EPX: variants seen among roughly 807,000 people sequenced by gnomAD.
EPX encodes eosinophil peroxidase.
In EPX, 60 loss-of-function variants were observed where a neutral mutation model predicts 73.0. That is an observed-to-expected ratio of 0.82 (90% CI 0.67 to 1.02). The LOEUF (loss-of-function observed/expected upper bound fraction) is 1.02. Ranked by LOEUF, EPX falls within the 50% of genes least tolerant of loss-of-function variation. The pLI, the probability that EPX is intolerant of heterozygous loss-of-function variation, is 0.00. For missense variants in EPX, 950 were observed against 973.9 expected (o/e 0.98, Z 0.33); for synonymous variants, 347 against 389.2 (o/e 0.89, Z 1.28).
At chr17:58,194,837 G>A in intron 5 of EPX, 127 bp from the exon 6 acceptor site, 1 of 739,758 alleles carries the variant, frequency 1.4e-6, no homozygotes, top group Non-Finnish European at 2.4e-6. Context: ...AAAGGGGCAT[G>A]GAGGGCAGAA....
rs1182219559 is a variant in EPX at position 58,195,165 on chromosome 17, A to G, written c.796A>G (p.Ile266Val). 3.7e-6 allele frequency: 6 copies of G among 1,612,992 alleles called. No homozygotes were observed. The Admixed American group carries it at 5.0e-5, about 13-fold the overall frequency. ...TCAQLPPCFP[I>V]KIPPNDPRIK... ...CGCCCAGCTGCCCCCCTGCTTTCCC[A>G]TCAAGGTACCTACCCTCAGCCAATC... The change falls in exon 6 of 13, where the codon ATC becomes GTC. Residue 266 changes from isoleucine (I) to valine (V), a missense_variant. Coordinates refer to ENST00000225371, the MANE Select transcript of EPX (RefSeq NM_000502.6).
In EPX at chr17:58,203,303, C is replaced by G. The variant is rs1395216959; in HGVS notation, c.1931C>G (p.Ala644Gly). 4 of 1,612,768 alleles carry G rather than the reference C, an allele frequency of 2.5e-6. No individual in the cohort carries two copies. Among genetic ancestry groups the G allele is most frequent in the East Asian group, 2.2e-5 (1 of 44,874 alleles). The change falls in exon 11 of 13, where the codon GCC (alanine) becomes GGC (glycine). Residue 644 changes from alanine (A) to glycine (G), a missense_variant. Ala to Gly is a moderately conservative substitution (Grantham distance 60, BLOSUM62 0). Transcript: ENST00000225371. ...ACLFENQFRRARDGDRFWWQK... is the reference protein window; with the variant it reads ...ACLFENQFRRGRDGDRFWWQK... ...CTGTTCGAGAACCAGTTCAGAAGAG[C>G]CCGAGACGGAGACAGGTAAGTGACC...
chr17:58,202,581 A>G (rs1235448673), intron 10 of EPX: 1 of 204,266 alleles, frequency 4.9e-6, no homozygotes, highest in Non-Finnish European at 1.0e-5. Context: ...TTGTGTCTCT[A>G]TATTGACCTA....
At chr17:58,201,610 G>A (rs1251824942) in intron 10 of EPX, among the ~76,000 whole-genome samples, 2 of 152,164 alleles carry the variant, frequency 1.3e-5, no homozygotes. Context: ...TTGATAAGAT[G>A]TACCTATGAT....
chr17:58,199,141 C>G lies in EPX; in HGVS notation c.1222C>G (p.Arg408Gly). The change falls in exon 8 of 13, where the codon CGG (arginine) becomes GGG (glycine). Residue 408 changes from arginine to glycine, a missense_variant. By Grantham distance (125) the Arg-to-Gly change is moderately radical (BLOSUM62 -2). Coordinates refer to ENST00000225371, the MANE Select transcript of EPX (RefSeq NM_000502.6). ...LATELRRLNP[R>G]WNGDKLYNEA... ...CACCGAGCTGAGACGCCTGAATCCC[C>G]GGTGGAATGGAGACAAACTGTACAA... The G allele has an allele frequency of 1.2e-6, 2 of 1,614,102 alleles. No homozygotes were observed. Among genetic ancestry groups the G allele is most frequent in the East Asian group, 2.2e-5 (1 of 44,878 alleles).
chr17:58,200,466 C>A, intron 10 of EPX, 71 bp downstream of exon 10: 1 of 1,456,726 alleles, frequency 6.9e-7, no homozygotes, highest in Non-Finnish European at 9.6e-7. Context: ...TGGGAAGACC[C>A]TGGTACCTCC....
chr17:58,192,814 T>G lies in EPX; in HGVS notation c.-33T>G, dbSNP rs1419801565. ...CTCCCGTGCAGGCTGTGGATGTCACTCACTTCCCAGCTGGTGAAGCCTCGC... is the reference window on the plus strand; with the variant it reads ...CTCCCGTGCAGGCTGTGGATGTCACGCACTTCCCAGCTGGTGAAGCCTCGC... On this transcript the variant is annotated 5_prime_UTR_variant, in exon 1 of 13. Coordinates refer to ENST00000225371, the MANE Select transcript of EPX (RefSeq NM_000502.6). 2 of 1,598,312 alleles carry G rather than the reference T, an allele frequency of 1.3e-6. No individual in the cohort carries two copies. The highest frequency in any genetic ancestry group is 8.6e-7 in the Non-Finnish European group (1 of 1,167,932).
At chr17:58,194,124 T>C (rs768502168) in intron 5 of EPX, 32 bp downstream of exon 5, 25 of 1,610,954 alleles carry the variant, frequency 1.6e-5, no homozygotes, top group Non-Finnish European at 2.1e-5. Context: ...GGGAGGTTGC[T>C]TGATCTCTTA....
In EPX at chr17:58,199,453, A is replaced by T. The variant is rs190584385; in HGVS notation, c.1282-86A>T. ...TTGTCACATTTGACGTGATGACAAT[A>T]AAGAATATGTCTGAGCCACCCTTTG... On this transcript the variant is annotated intron_variant, in intron 8 of 12. Coordinates refer to ENST00000225371, the MANE Select transcript of EPX (RefSeq NM_000502.6). 280 of 1,458,462 alleles carry T rather than the reference A, an allele frequency of 1.9e-4. 1 individual carries two copies. The African/African-American group carries it at 3.2e-3, about 17-fold the overall frequency. 90.3% of individuals were successfully genotyped at this position (1,458,462 alleles called of 1,614,324 possible).
chr17:58,197,435 G>T (rs991782218), intron 7 of EPX, among the ~76,000 whole-genome samples, 178 bp downstream of exon 7: 1 of 152,162 alleles, frequency 6.6e-6, no homozygotes, highest in Non-Finnish European at 1.5e-5. Context: ...CCCTTTGCAA[G>T]CTCCCTGTGT....
rs550512572 is a variant in EPX, at chr17:58,199,786, T to C, written c.1529T>C (p.Val510Ala). The change falls in exon 9 of 13, where the codon GTG becomes GCG. Residue 510 changes from valine (V) to alanine (A), a missense_variant. Val to Ala is a moderately conservative substitution (Grantham distance 64, BLOSUM62 0). Coordinates refer to ENST00000225371, the MANE Select transcript of EPX (RefSeq NM_000502.6). Reference protein sequence around the residue: ...SSAFFASWRIVYEGGIDPILR... With the variant: ...SSAFFASWRIAYEGGIDPILR... ...GCCTTCTTTGCCAGCTGGCGGATCG[T>C]GTATGAAGGTGACCAGGTTTTCCAG... 1.5e-5 allele frequency: 24 copies of C among 1,609,360 alleles called. No individual in the cohort carries two copies. Among genetic ancestry groups the C allele is most frequent in the South Asian group, 1.4e-4 (13 of 91,022 alleles).
chr17:58,195,075 G>A lies in EPX; in HGVS notation c.706G>A (p.Asp236Asn). 6.2e-7 allele frequency: 1 copy of A among 1,614,132 alleles called. No individual in the cohort carries two copies. Among genetic ancestry groups the A allele is most frequent in the South Asian group, 1.1e-5 (1 of 91,086 alleles). ...GGGCCAGTTCATTGACCATGACCTG[G>A]ACTTCTCCCCGGAGTCCCCGGCCAG... ...QWGQFIDHDL[D>N]FSPESPARVA... The change falls in exon 6 of 13, where the codon GAC becomes AAC. Residue 236 changes from aspartate (D) to asparagine (N), a missense_variant. By Grantham distance (23) the Asp-to-Asn change is conservative. Coordinates refer to ENST00000225371, the MANE Select transcript of EPX (RefSeq NM_000502.6).
intron 3 of EPX, 73 bp from the exon 4 acceptor site, chr17:58,193,641 G>T: frequency 6.4e-7 from 1 of 1,554,040 alleles, no homozygotes; most frequent in East Asian, 2.2e-5. Flanking sequence ...TTGGGGTGCT[G>T]GGAGGAGAGA....
intron 11 of EPX, among the ~76,000 whole-genome samples, chr17:58,203,875 T>C (rs1349205958): frequency 2.4e-5 from 3 of 124,126 alleles, no homozygotes; most frequent in Non-Finnish European, 4.7e-5. Flanking sequence ...GAGCTTGCAG[T>C]GAGCCGAGAT....
intron 7 of EPX, among the ~76,000 whole-genome samples, chr17:58,197,821 T>C (rs1321847542): frequency 1.3e-5 from 2 of 151,970 alleles, no homozygotes. Flanking sequence ...TCATTTCTCA[T>C]TAAGATATTT....
chr17:58,203,495 G>A (rs955740116), intron 11 of EPX, among the ~76,000 whole-genome samples, 177 bp downstream of exon 11: 5 of 152,162 alleles, frequency 3.3e-5, no homozygotes, highest in South Asian at 4.1e-4. Flanking sequence ...GAGAGACACT[G>A]ACCCAGGCAA....
Position 58,193,432 on chromosome 17 carries a change from C to T in EPX, c.232C>T (p.Gln78Ter). The T allele has an allele frequency of 6.2e-7, 1 of 1,614,188 alleles. No homozygotes were observed. The highest frequency in any genetic ancestry group is 8.5e-7 in the Non-Finnish European group (1 of 1,180,010). The change falls in exon 3 of 13, where the codon CAA becomes TAA. Residue 78 changes from glutamine to a stop codon, truncating the protein, a stop_gained. Coordinates refer to ENST00000225371, the MANE Select transcript of EPX (RefSeq NM_000502.6). LOFTEE classifies it high-confidence loss of function. ...CATGGACCTCCTGTCCTACTTCAAA[C>T]AACCGGTAGCAGCCACCAGGACAGT... ...SPMDLLSYFKQPVAATRTVVR... is the reference protein window; with the variant it reads ...SPMDLLSYFK
rs1567789138 is a variant in EPX, at chr17:58,197,222, C to A, written c.1085C>A (p.Thr362Asn). The change falls in exon 7 of 13, where the codon ACC becomes AAC. Residue 362 changes from threonine (T) to asparagine (N), a missense_variant. Thr to Asn is a moderately conservative substitution (Grantham distance 65, BLOSUM62 0). Transcript: ENST00000225371. Reference sequence around the variant, plus strand: ...CTGCACGATGACCCCTGTCTCCTCACCAACCGCTCGGCGCGCATCCCCTGC... The same window carrying A: ...CTGCACGATGACCCCTGTCTCCTCAACAACCGCTCGGCGCGCATCCCCTGC... ...DNLHDDPCLL[T>N]NRSARIPCFL... 3.1e-6 allele frequency: 5 copies of A among 1,613,124 alleles called. No homozygotes were observed. The highest frequency in any genetic ancestry group is 4.2e-6 in the Non-Finnish European group (5 of 1,180,048).
intron 12 of EPX, 47 bp downstream of exon 12, chr17:58,204,481 C>T (rs1305039612): frequency 8.5e-7 from 1 of 1,180,694 alleles, no homozygotes; most frequent in South Asian, 1.2e-5. Context: ...TAAGCCCTCA[C>T]ATCCTTCCCT....
Sources: gnomAD v4.1 joint callset for allele counts (sites outside exome capture counted in the v4.1 genomes callset) on GRCh38, gnomAD v4.1.1 for gene constraint, MANE v1.5 for transcripts, NCBI Gene and HGNC (gene_info 2026-07-23, HGNC 2026-07-21) for gene names.